The following OSBPL10 variants were observed in gnomAD, a reference collection of about 807,000 sequenced individuals.
The protein encoded by OSBPL10 is oxysterol-binding protein-related protein 10.
OSBPL10 carries 49 observed loss-of-function variants against 81.7 expected under a neutral mutation model. The observed-to-expected ratio is 0.60, with a 90% CI of 0.48 to 0.76. The LOEUF (loss-of-function observed/expected upper bound fraction) is 0.76. Ranked by LOEUF, OSBPL10 falls within the 30% of genes least tolerant of loss-of-function variation. The pLI is 0.00. For synonymous variants in OSBPL10, 419 were observed against 383.6 expected (o/e 1.09, Z -1.08); for missense variants, 923 against 987.8 (o/e 0.93, Z 0.88).
At chr3:31,671,122 G>A (rs997984921) in intron 8 of OSBPL10, 139 bp from the exon 9 acceptor site, 21 of 796,082 alleles carry the variant, frequency 2.6e-5, no homozygotes, top group African/African-American at 5.3e-5. Flanking sequence ...TGAGCTGCTC[G>A]TTCACTGTGG....
At chr3:31,705,375 C>T (rs1259845204) in intron 6 of OSBPL10, among the ~76,000 whole-genome samples, 1 of 29,886 alleles carries the variant, frequency 3.3e-5, no homozygotes, top group Non-Finnish European at 1.1e-4. Context: ...AGAGAAGACC[C>T]CCCCCCCCAC....
chr3:31,712,376 C>G (rs866035354), intron 6 of OSBPL10, among the ~76,000 whole-genome samples: 1 of 152,156 alleles, frequency 6.6e-6, no homozygotes, highest in Non-Finnish European at 1.5e-5. Context: ...CTTTAAGTGA[C>G]AAGGGGGCTT....
At chr3:32,070,823 G>A (rs900163202) in intron 1 of OSBPL10, among the ~76,000 whole-genome samples, 8 of 152,068 alleles carry the variant, frequency 5.3e-5, no homozygotes, top group Non-Finnish European at 1.2e-4. Flanking sequence ...TTCCGTTCTT[G>A]ATCTTAAAGA....
chr3:31,725,431 C>T (rs1355226889), intron 6 of OSBPL10, among the ~76,000 whole-genome samples: 1 of 152,156 alleles, frequency 6.6e-6, no homozygotes, highest in Non-Finnish European at 1.5e-5. Context: ...AAAGAAAAAA[C>T]CCGGATGATC....
intron 1 of OSBPL10, among the ~76,000 whole-genome samples, chr3:31,910,144 A>G (rs1403397470): frequency 6.6e-6 from 1 of 151,794 alleles, no homozygotes; most frequent in African/African-American, 2.4e-5. Context: ...ACCATGCCCA[A>G]CTAATTTTGT....
intron 4 of OSBPL10, among the ~76,000 whole-genome samples, chr3:31,809,869 C>CTTTTTTTTTTTTTTTTTTTTTTTTTTT (rs34795137): frequency 7.1e-5 from 7 of 98,620 alleles, no homozygotes; most frequent in African/African-American, 3.3e-4. Flanking sequence ...CCCCCTGACT[C>CTTTTTTTTTTTTTTTTTTTTTTTTTTT]TTTTTTTTTT....
At position 31,712,929 on chromosome 3, in the gene OSBPL10, T is replaced by A. The variant is rs113674433; in HGVS notation, c.1096-10421A>T. ...CCATCCTTGACTTTAATTTCTTGCT[T>A]ACGCACTGTTCCACATCACATCCAT... On this transcript the variant is annotated intron_variant, in intron 6 of 11. Coordinates refer to ENST00000396556, the MANE Select transcript of OSBPL10 (RefSeq NM_017784.5). Among the ~76,000 whole-genome samples, 6 of 152,166 alleles carry A rather than the reference T, an allele frequency of 3.9e-5. No individual in the cohort carries two copies. In the East Asian group the frequency reaches 7.7e-4, roughly 20 times the overall value.
At chr3:31,979,358 A>G (rs908104585) in intron 1 of OSBPL10, among the ~76,000 whole-genome samples, 1 of 152,258 alleles carries the variant, frequency 6.6e-6, no homozygotes, top group Non-Finnish European at 1.5e-5. Context: ...TCCTATATGT[A>G]GAATATCAAT....
intron 1 of OSBPL10, among the ~76,000 whole-genome samples, chr3:31,942,745 G>C (rs1697575223): frequency 6.6e-6 from 1 of 152,056 alleles, no homozygotes; most frequent in African/African-American, 2.4e-5. Context: ...AAAAGTGATA[G>C]CCACTGTCAT....
intron 3 of OSBPL10, among the ~76,000 whole-genome samples, chr3:31,858,465 G>A (rs984871890): frequency 1.3e-5 from 2 of 152,084 alleles, no homozygotes; most frequent in African/African-American, 2.4e-5. Context: ...ACTTAGCTGG[G>A]TCCTGAAAGC....
Position 31,865,735 on chromosome 3 carries a change from G to A in OSBPL10, c.537+10698C>T, listed in dbSNP as rs145516108. ...AATTGTTCTGAGAGACCCTAAAATT[G>A]CTTAATCATATAAAAGAGGTATTCA... On this transcript the variant is annotated intron_variant, in intron 3 of 11. Transcript: ENST00000396556. 3.0e-3 allele frequency among the ~76,000 whole-genome samples: 452 copies of A among 152,232 alleles called. 3 individuals are homozygous for A. Among genetic ancestry groups the A allele is most frequent in the African/African-American group, 0.011 (438 of 41,532 alleles).
At chr3:31,738,383 C>T (rs1251852106) in intron 5 of OSBPL10, among the ~76,000 whole-genome samples, 3 of 140,938 alleles carry the variant, frequency 2.1e-5, no homozygotes, top group Non-Finnish European at 4.5e-5. Context: ...TTAGACCTGC[C>T]TTAAAGGAAA....
intron 9 of OSBPL10, among the ~76,000 whole-genome samples, chr3:31,669,270 C>A (rs892725116): frequency 2.0e-5 from 3 of 151,814 alleles, no homozygotes; most frequent in Non-Finnish European, 4.4e-5. Flanking sequence ...CACCTGTACC[C>A]CAATAACTTA....
At chr3:31,876,009 T>A (rs1027926418) in intron 3 of OSBPL10, among the ~76,000 whole-genome samples, 1 of 152,032 alleles carries the variant, frequency 6.6e-6, no homozygotes, top group Non-Finnish European at 1.5e-5. Context: ...TTTGATACAC[T>A]AGGAATGCAG....
intron 3 of OSBPL10, among the ~76,000 whole-genome samples, chr3:31,832,094 G>A (rs1388821015): frequency 6.6e-6 from 1 of 152,212 alleles, no homozygotes; most frequent in East Asian, 1.9e-4. Flanking sequence ...ATATCTCTCA[G>A]CTATACAGTT....
At position 32,071,728 on chromosome 3, in the gene OSBPL10, C is replaced by T. The variant is rs183785720; in HGVS notation, n.185+5668G>A. Among the ~76,000 whole-genome samples, 315 of 152,378 alleles carry T rather than the reference C, an allele frequency of 2.1e-3. No homozygotes were observed. In the Middle Eastern group the frequency reaches 0.034, roughly 16 times the overall value. ...TCACACCTGACACATATACTTTCTG[C>T]TCCCCGGCTCCTTCAGCTGTACTCA... On this transcript the variant is annotated intron_variant and non_coding_transcript_variant, in intron 1 of 3. Coordinates refer to the OSBPL10 transcript ENST00000479173.
intron 2 of OSBPL10, among the ~76,000 whole-genome samples, chr3:32,009,399 G>T (rs1391032773): frequency 6.6e-6 from 1 of 152,180 alleles, no homozygotes; most frequent in Non-Finnish European, 1.5e-5. Context: ...ATCAGGCTTT[G>T]TCTCTCACTA....
chr3:32,039,957 C>T (rs141864539), intron 2 of OSBPL10, among the ~76,000 whole-genome samples: 10 of 152,196 alleles, frequency 6.6e-5, no homozygotes, highest in South Asian at 6.2e-4. Flanking sequence ...TTCAACAGTA[C>T]GGTAAAAGAA....
intron 5 of OSBPL10, among the ~76,000 whole-genome samples, chr3:31,740,534 G>A (rs1013049041): frequency 6.6e-6 from 1 of 151,668 alleles, no homozygotes; most frequent in African/African-American, 2.4e-5. Flanking sequence ...AGTATGCCCT[G>A]TCTTCATCAT....
Sources: allele counts gnomAD v4.1 joint callset (sites outside exome capture counted in the v4.1 genomes callset), GRCh38; gene constraint gnomAD v4.1.1; transcripts MANE v1.5; gene names NCBI Gene and HGNC (gene_info 2026-07-23, HGNC 2026-07-21).